SORCS2: variants seen among roughly 807,000 people sequenced by gnomAD.
The protein encoded by SORCS2 is sortilin related VPS10 domain containing receptor 2, also known as VPS10 domain-containing receptor SorCS2.
A neutral mutation model predicts 141.6 loss-of-function variants in SORCS2; 100 were observed. That is an observed-to-expected ratio of 0.71 (90% CI 0.60 to 0.83). The LOEUF (loss-of-function observed/expected upper bound fraction) is 0.83. Among genes scored for constraint, SORCS2 ranks in the 40% least tolerant of loss-of-function variants. The pLI, the probability that SORCS2 is intolerant of heterozygous loss-of-function variation, is 0.00. For synonymous variants in SORCS2, 789 were observed against 676.9 expected (o/e 1.17, Z -2.57); for missense variants, 1,646 against 1,560.2 (o/e 1.05, Z -0.93).
At chr4:7,224,147 C>T (rs2108765537) in intron 1 of SORCS2, among the ~76,000 whole-genome samples, 1 of 152,324 alleles carries the variant, frequency 6.6e-6, no homozygotes, top group Admixed American at 6.5e-5. Flanking sequence ...CCAGATCCAT[C>T]TGCTGGGAAG....
intron 3 of SORCS2, among the ~76,000 whole-genome samples, chr4:7,624,398 CGATAAGGGAAT>C (rs199859892): frequency 3.3e-5 from 5 of 152,126 alleles, no homozygotes; most frequent in South Asian, 4.1e-4. Context: ...TTCATGGGAA[CGATAAGGGAAT>C]GATAAGAAAA....
intron 2 of SORCS2, among the ~76,000 whole-genome samples, chr4:7,515,715 G>T (rs1732933546): frequency 6.6e-6 from 1 of 152,240 alleles, no homozygotes; most frequent in African/African-American, 2.4e-5. Context: ...TGCAAGGTGG[G>T]GGTGGGGCTC....
intron 1 of SORCS2, among the ~76,000 whole-genome samples, chr4:7,219,511 T>A (rs1728568129): frequency 6.6e-6 from 1 of 152,154 alleles, no homozygotes; most frequent in South Asian, 2.1e-4. Context: ...GACTCACAGT[T>A]TGGCATGGCT....
At chr4:7,458,734 G>C (rs1016171277) in intron 2 of SORCS2, among the ~76,000 whole-genome samples, 4 of 152,130 alleles carry the variant, frequency 2.6e-5, no homozygotes, top group South Asian at 2.1e-4. Context: ...GGAGCCCACT[G>C]TCCTGTGGGA....
intron 2 of SORCS2, among the ~76,000 whole-genome samples, chr4:7,478,075 A>G (rs1730410571): frequency 6.6e-6 from 1 of 152,184 alleles, no homozygotes; most frequent in East Asian, 1.9e-4. Flanking sequence ...AGTTAGACAC[A>G]GGGTGTGGCA....
chr4:7,671,112 G>A (rs887500572), intron 8 of SORCS2, among the ~76,000 whole-genome samples: 3 of 152,160 alleles, frequency 2.0e-5, no homozygotes, highest in Admixed American at 1.3e-4. Context: ...AAAGGCCTAG[G>A]AAGATGTTAA....
chr4:7,496,429 C>G (rs1227500650), intron 2 of SORCS2, among the ~76,000 whole-genome samples: 2 of 18,666 alleles, frequency 1.1e-4, no homozygotes, highest in African/African-American at 4.8e-4. Flanking sequence ...CTACTGGAGC[C>G]CCCCCCCCCC....
At chr4:7,348,209 C>T (rs574929435) in intron 1 of SORCS2, among the ~76,000 whole-genome samples, 1 of 152,224 alleles carries the variant, frequency 6.6e-6, no homozygotes, top group Non-Finnish European at 1.5e-5. Context: ...GGGGAAATTA[C>T]TCACCATTAA....
At chr4:7,232,466 C>A (rs1024972117) in intron 1 of SORCS2, among the ~76,000 whole-genome samples, 55 of 152,294 alleles carry the variant, frequency 3.6e-4, no homozygotes, top group African/African-American at 1.3e-3. Flanking sequence ...TGTCACCCCC[C>A]ACGGCAGCCC....
intron 1 of SORCS2, among the ~76,000 whole-genome samples, chr4:7,383,585 C>T (rs1338312130): frequency 6.6e-6 from 1 of 152,204 alleles, no homozygotes; most frequent in African/African-American, 2.4e-5. Context: ...CACCCACCTC[C>T]CGGAGATACC....
chr4:7,638,977 G>A (rs532480773), intron 4 of SORCS2, among the ~76,000 whole-genome samples: 2 of 152,304 alleles, frequency 1.3e-5, no homozygotes, highest in African/African-American at 4.8e-5. Flanking sequence ...GTGTCCATGG[G>A]GTTCAGCAGG....
intron 2 of SORCS2, among the ~76,000 whole-genome samples, chr4:7,476,520 G>A (rs1169456510): frequency 6.6e-6 from 1 of 152,138 alleles, no homozygotes; most frequent in East Asian, 1.9e-4. Context: ...CTGCTTGATT[G>A]GATCACTGGG....
intron 1 of SORCS2, among the ~76,000 whole-genome samples, chr4:7,219,590 G>A (rs1030791777): frequency 2.0e-5 from 3 of 152,236 alleles, no homozygotes; most frequent in African/African-American, 7.2e-5. Flanking sequence ...CAAGGCGGCA[G>A]GAAGAAGTAC....
At chr4:7,641,913 T>C (rs988132616) in intron 4 of SORCS2, among the ~76,000 whole-genome samples, 1 of 84,174 alleles carries the variant, frequency 1.2e-5, no homozygotes, top group African/African-American at 3.3e-5. Context: ...TGGATGGATG[T>C]GTGGACAGAT....
At chr4:7,555,956 C>T (rs954383472) in intron 3 of SORCS2, among the ~76,000 whole-genome samples, 2 of 152,256 alleles carry the variant, frequency 1.3e-5, no homozygotes, top group Non-Finnish European at 2.9e-5. Context: ...TAGTCCAGCA[C>T]AGGGTGCTTC....
At chr4:7,208,364 T>G (rs1438897244) in intron 1 of SORCS2, among the ~76,000 whole-genome samples, 1 of 152,208 alleles carries the variant, frequency 6.6e-6, no homozygotes, top group African/African-American at 2.4e-5. Flanking sequence ...CACTGTGTGC[T>G]GAAGACTTTG....
At chr4:7,722,842 C>G (rs888163482) in intron 18 of SORCS2, among the ~76,000 whole-genome samples, 4 of 152,140 alleles carry the variant, frequency 2.6e-5, no homozygotes, top group Non-Finnish European at 4.4e-5. Context: ...CAACGTTTGG[C>G]TGGTATAAAC....
chr4:7,479,837 C>A (rs13353636), intron 2 of SORCS2, among the ~76,000 whole-genome samples: 30,214 of 152,178 alleles, frequency 0.2, 3,196 homozygotes, highest in East Asian at 0.28. Context: ...TCTCTGACTC[C>A]CCATTTTAAT....
chr4:7,495,897 C>T (rs1731586922), intron 2 of SORCS2, among the ~76,000 whole-genome samples: 1 of 152,180 alleles, frequency 6.6e-6, no homozygotes, highest in East Asian at 1.9e-4. Context: ...GCATGCTTTA[C>T]CTGGGCCACC....
Sources: gnomAD v4.1 joint callset for allele counts (sites outside exome capture counted in the v4.1 genomes callset) on GRCh38, gnomAD v4.1.1 for gene constraint, MANE v1.5 for transcripts, NCBI Gene and HGNC (gene_info 2026-07-23, HGNC 2026-07-21) for gene names.